The following VTI1A variants were observed in gnomAD, a reference collection of about 807,000 sequenced individuals.
The protein encoded by VTI1A is vesicle transport through interaction with t-SNAREs homolog 1A.
In VTI1A, 22 loss-of-function variants were observed where a neutral mutation model predicts 34.9. The observed-to-expected ratio is 0.63, with a 90% CI of 0.45 to 0.90. The LOEUF (loss-of-function observed/expected upper bound fraction) is 0.90, where lower values mean the gene tolerates loss of function less well. Ranked by LOEUF, VTI1A falls within the 40% of genes least tolerant of loss-of-function variation. The probability of loss-of-function intolerance (pLI) is 0.00; values close to 1 mark genes in which losing one functional copy is unlikely to be tolerated. For missense variants in VTI1A, 268 were observed against 275.6 expected, an observed-to-expected ratio of 0.97 and a Z score of 0.20; for synonymous variants, 87 against 97.3, an observed-to-expected ratio of 0.89 and a Z score of 0.62.
chr10:112,455,146 T>A, intron 1 of VTI1A, among the ~76,000 whole-genome samples: 1 of 102,422 alleles, frequency 9.8e-6, no homozygotes. Context: ...TCTAGTTCAG[T>A]TCCCTCCCCT....
At chr10:112,753,393 TC>T (rs1564912272) in intron 7 of VTI1A, among the ~76,000 whole-genome samples, 1 of 152,150 alleles carries the variant, frequency 6.6e-6, no homozygotes, top group Admixed American at 6.5e-5. Context: ...TTTGTTTTTT[TC>T]CCAAAATTAC....
At chr10:112,545,057 T>C (rs1486231519) in intron 5 of VTI1A, among the ~76,000 whole-genome samples, 1 of 152,180 alleles carries the variant, frequency 6.6e-6, no homozygotes, top group African/African-American at 2.4e-5. Flanking sequence ...GAAGACATGT[T>C]AGGAAGTTTA....
chr10:112,450,355 A>G (rs764518069), intron 1 of VTI1A: 9 of 152,264 alleles, frequency 5.9e-5, no homozygotes, highest in Non-Finnish European at 8.8e-5. Flanking sequence ...ATTAATATAT[A>G]TAACCATGGC....
intron 7 of VTI1A, among the ~76,000 whole-genome samples, chr10:112,783,028 C>A (rs1182923603): frequency 1.3e-5 from 2 of 151,692 alleles, no homozygotes; most frequent in African/African-American, 2.4e-5. Flanking sequence ...AAAAAGTAGA[C>A]ACGAATCTGG....
In VTI1A at chr10:112,597,124, A is replaced by G. The variant is rs544385871; in HGVS notation, c.427+58794A>G. Among the ~76,000 whole-genome samples, 3 of 152,350 alleles carry G rather than the reference A, an allele frequency of 2.0e-5. No individual in the cohort carries two copies. The East Asian group carries it at 5.8e-4, about 29-fold the overall frequency. The stretch of plus-strand genomic sequence containing the variant: ...GAAGCAAACTTGAACTGGAGGTTTG[A>G]GAATCAAACAGATCTGGGGAGAGAG... On this transcript the variant is annotated intron_variant, in intron 5 of 7. Coordinates refer to ENST00000393077, the MANE Select transcript of VTI1A (RefSeq NM_145206.4).
At chr10:112,522,180 TA>T (rs1850049791) in intron 3 of VTI1A, among the ~76,000 whole-genome samples, 1 of 152,096 alleles carries the variant, frequency 6.6e-6, no homozygotes, top group Non-Finnish European at 1.5e-5. Flanking sequence ...TTGGAGCAGT[TA>T]AATTCTTTGG....
At chr10:112,649,577 T>C (rs1846930704) in intron 5 of VTI1A, among the ~76,000 whole-genome samples, 1 of 152,202 alleles carries the variant, frequency 6.6e-6, no homozygotes, top group Non-Finnish European at 1.5e-5. Flanking sequence ...CAAGTATGGC[T>C]ACAAGAGGAA....
chr10:112,748,682 G>A (rs941486332), intron 7 of VTI1A, among the ~76,000 whole-genome samples: 2 of 139,118 alleles, frequency 1.4e-5, no homozygotes, highest in African/African-American at 5.6e-5. Flanking sequence ...CTGGAGTGCA[G>A]TGGCGCGATC....
chr10:112,527,184 G>T lies in VTI1A; in HGVS notation c.342+20G>T. ...AACCAGGTAGAATGCTAATCAGGAAGGCCCGGTGGGTGGCTGGAGGGTGAA... is the reference window on the plus strand; with the variant it reads ...AACCAGGTAGAATGCTAATCAGGAATGCCCGGTGGGTGGCTGGAGGGTGAA... On this transcript the variant is annotated intron_variant, in intron 4 of 7. Coordinates refer to ENST00000393077, the MANE Select transcript of VTI1A (RefSeq NM_145206.4). 1 of 1,611,430 alleles carries T rather than the reference G, an allele frequency of 6.2e-7. No homozygotes were observed. The highest frequency in any genetic ancestry group is 8.5e-7 in the Non-Finnish European group (1 of 1,178,322).
intron 7 of VTI1A, among the ~76,000 whole-genome samples, chr10:112,766,799 T>C (rs1851662479): frequency 6.6e-6 from 1 of 152,166 alleles, no homozygotes; most frequent in African/African-American, 2.4e-5. Flanking sequence ...TAACATAGCA[T>C]AGGTATTCTA....
intron 3 of VTI1A, among the ~76,000 whole-genome samples, chr10:112,482,117 T>C (rs979219808): frequency 6.6e-6 from 1 of 152,230 alleles, no homozygotes; most frequent in African/African-American, 2.4e-5. Flanking sequence ...AAAAAAATAC[T>C]ATCCTGTGTC....
intron 7 of VTI1A, among the ~76,000 whole-genome samples, chr10:112,715,083 A>T (rs556036947): frequency 3.3e-5 from 5 of 151,888 alleles, no homozygotes; most frequent in Non-Finnish European, 7.4e-5. Flanking sequence ...TCTTATAGTC[A>T]TTTTTTTTAA....
At chr10:112,615,901 C>T (rs1026107297) in intron 5 of VTI1A, among the ~76,000 whole-genome samples, 1 of 151,980 alleles carries the variant, frequency 6.6e-6, no homozygotes, top group African/African-American at 2.4e-5. Flanking sequence ...TAGGAATGTG[C>T]CTAGAGGCAG....
intron 7 of VTI1A, among the ~76,000 whole-genome samples, chr10:112,773,380 G>A (rs1410155995): frequency 1.3e-5 from 2 of 152,082 alleles, no homozygotes; most frequent in Non-Finnish European, 2.9e-5. Context: ...CTGTACCATC[G>A]ATTACACTGA....
chr10:112,854,087 G>T, the VTI1A span, among the ~76,000 whole-genome samples: 1 of 152,020 alleles, frequency 6.6e-6, no homozygotes, highest in Non-Finnish European at 1.5e-5. Flanking sequence ...TGCCTCCCTG[G>T]GTCCTCATAT....
chr10:112,691,262 AAAATAAATAAATAAAT>A (rs67534865), intron 7 of VTI1A, among the ~76,000 whole-genome samples: 23 of 140,284 alleles, frequency 1.6e-4, no homozygotes, highest in Admixed American at 5.8e-4. Context: ...CTCTGCCTCA[AAAATAAATAAATAAAT>A]AAATAAATAA....
chr10:112,831,515 A>G, the VTI1A span: 1 of 152,130 alleles, frequency 6.6e-6, no homozygotes, highest in Admixed American at 6.5e-5. Flanking sequence ...ATTCTCCCCT[A>G]TTTTAAGAGG....
chr10:112,539,114 C>T (rs771666703), intron 5 of VTI1A, among the ~76,000 whole-genome samples: 11 of 152,098 alleles, frequency 7.2e-5, no homozygotes, highest in Middle Eastern at 3.2e-3. Flanking sequence ...TGTTACTCTA[C>T]GCTTTTTATT....
intron 3 of VTI1A, among the ~76,000 whole-genome samples, chr10:112,518,611 A>ATATATG (rs1491386126): frequency 3.0e-5 from 4 of 134,200 alleles, no homozygotes; most frequent in East Asian, 4.8e-4. Context: ...ATATATATAT[A>ATATATG]TGTGTGTGTG....
Sources: allele counts gnomAD v4.1 joint callset (sites outside exome capture counted in the v4.1 genomes callset), GRCh38; gene constraint gnomAD v4.1.1; transcripts MANE v1.5; gene names NCBI Gene and HGNC (gene_info 2026-07-23, HGNC 2026-07-21).